The following PCDHA3 variants were observed in gnomAD, a reference collection of about 807,000 sequenced individuals.
PCDHA3 encodes protocadherin alpha 3.
PCDHA3 carries 41 observed loss-of-function variants against 62.2 expected under a neutral mutation model. The observed-to-expected ratio is 0.66, with a 90% CI of 0.51 to 0.86. The LOEUF (loss-of-function observed/expected upper bound fraction) is 0.86, where lower values mean the gene tolerates loss of function less well. Ranked by LOEUF, PCDHA3 falls within the 40% of genes least tolerant of loss-of-function variation. PCDHA3 has a pLI of 0.00. For synonymous variants in PCDHA3, 640 were observed against 555.4 expected (o/e 1.15, Z -2.14); for missense variants, 1,304 against 1,241.2 (o/e 1.05, Z -0.76).
At chr5:140,994,998 G>A (rs2097659261) in intron 3 of PCDHA3, among the ~76,000 whole-genome samples, 1 of 152,150 alleles carries the variant, frequency 6.6e-6, no homozygotes, top group African/African-American at 2.4e-5. Context: ...AGGTTAGTTG[G>A]TTTGTTTATA....
Position 140,803,954 on chromosome 5 carries a change from A to G in PCDHA3, c.2394+363A>G, listed in dbSNP as rs538740639. 1.2e-4 allele frequency: 42 copies of G among 347,696 alleles called. 1 individual carries two copies. In the South Asian group the frequency reaches 1.9e-3, roughly 15 times the overall value. The allele number at this position is 347,696 out of a possible 1,614,324, so 21.5% of individuals were successfully genotyped here. On this transcript the variant is annotated intron_variant, in intron 1 of 3. Transcript: ENST00000522353. ...TATCCCTATACAATGCTTCTTCAAT[A>G]TCTTTTGCCACTTTTCATTTGGACT...
chr5:140,809,319 T>G (rs782158465), intron 1 of PCDHA3: 1 of 1,614,108 alleles, frequency 6.2e-7, no homozygotes. Context: ...TCCAGCCTTT[T>G]GGTGCTCACG....
intron 1 of PCDHA3, chr5:140,836,150 T>C (rs1373246129): frequency 4.3e-6 from 7 of 1,613,640 alleles, no homozygotes; most frequent in Admixed American, 1.7e-5. Context: ...GCGCGGGCCA[T>C]GTGGTGGCGA....
At position 140,802,609 on chromosome 5, in the gene PCDHA3, G is replaced by A; in HGVS notation, c.1412G>A (p.Gly471Asp). 1 of 1,613,972 alleles carries A rather than the reference G, an allele frequency of 6.2e-7. No individual in the cohort carries two copies. Among genetic ancestry groups the A allele is most frequent in the Non-Finnish European group, 8.5e-7 (1 of 1,179,960 alleles). ...TTCGTGAAGGAGAACAACCCGCCGG[G>A]CTGCCACATCTTCACGGTGTCTGCG... ...TVFVKENNPP[G>D]CHIFTVSARD... is the part of the protein sequence containing the mutation. Residue 471 changes from glycine (G) to aspartate (D), a missense_variant, in exon 1 of 4, where the codon GGC becomes GAC. By Grantham distance (94) the Gly-to-Asp change is moderately conservative. Transcript: ENST00000522353.
At chr5:140,836,078 G>C (rs1179241173) in intron 1 of PCDHA3, 4 of 1,613,554 alleles carry the variant, frequency 2.5e-6, no homozygotes, top group Non-Finnish European at 3.4e-6. Context: ...CGCCGGCACT[G>C]CTGGCGCCTC....
intron 3 of PCDHA3, among the ~76,000 whole-genome samples, chr5:141,000,395 C>A (rs664650): frequency 0.072 from 3,868 of 53,704 alleles, 168 homozygotes; most frequent in Non-Finnish European, 0.081. Flanking sequence ...CTCTCTCTCT[C>A]TATATATATA....
chr5:140,836,229 G>C, intron 1 of PCDHA3: 1 of 1,613,818 alleles, frequency 6.2e-7, no homozygotes, highest in Non-Finnish European at 8.5e-7. Flanking sequence ...ACCGGTGGCG[G>C]CCGGTGCGAG....
chr5:140,967,935 A>G (rs186453952), intron 1 of PCDHA3: 13 of 1,614,214 alleles, frequency 8.1e-6, no homozygotes, highest in South Asian at 4.4e-5. Flanking sequence ...CTCAGTGTCA[A>G]TGACCAAGAC....
chr5:140,831,520 CTTT>C (rs2150195630), intron 1 of PCDHA3, among the ~76,000 whole-genome samples: 2,202 of 122,358 alleles, frequency 0.018, 60 homozygotes, highest in African/African-American at 0.054. Context: ...TGCCCCCCAC[CTTT>C]TTTTTTTTTT....
At position 140,910,974 on chromosome 5, in the gene PCDHA3, T is replaced by G. The variant is rs114099897; in HGVS notation, c.2395-67975T>G. Among the ~76,000 whole-genome samples the G allele has an allele frequency of 8.0e-3, 1,211 of 152,160 alleles. 6 individuals carry two copies. The highest frequency in any genetic ancestry group is 0.019 in the African/African-American group (781 of 41,520). On this transcript the variant is annotated intron_variant, in intron 1 of 3. Coordinates refer to ENST00000522353, the MANE Select transcript of PCDHA3 (RefSeq NM_018906.3). ...CGAGTGTAGCACACCTCCTCATGGG[T>G]TATACTCTGAACCTCACCCCTAGGG...
rs374265125 is a variant in PCDHA3 at position 140,808,741 on chromosome 5, C to G, written c.2394+5150C>G. The G allele has an allele frequency of 1.4e-4, 219 of 1,612,110 alleles. No individual in the cohort carries two copies. The East Asian group carries it at 4.5e-3, about 33-fold the overall frequency. ...TGCATGCGGAGAGCGGCAAGGTGTA[C>G]GCGCTGCAGCCGCTGGACCACGAGG... On this transcript the variant is annotated intron_variant, in intron 1 of 3. Coordinates refer to ENST00000522353, the MANE Select transcript of PCDHA3 (RefSeq NM_018906.3).
intron 1 of PCDHA3, chr5:140,823,861 A>C: frequency 6.2e-7 from 1 of 1,613,800 alleles, no homozygotes; most frequent in Non-Finnish European, 8.5e-7. Flanking sequence ...GGTGGATGTC[A>C]ACGTGTACCT....
At chr5:140,824,013 C>A in intron 1 of PCDHA3, 2 of 1,614,156 alleles carry the variant, frequency 1.2e-6, no homozygotes, top group Non-Finnish European at 1.7e-6. Flanking sequence ...CGGTGGGGAG[C>A]TGGTCGTACT....
At chr5:140,941,950 A>C (rs2093203816) in intron 1 of PCDHA3, among the ~76,000 whole-genome samples, 1 of 152,172 alleles carries the variant, frequency 6.6e-6, no homozygotes, top group Admixed American at 6.5e-5. Context: ...TTTGTTTTGA[A>C]AACAATAGTA....
intron 1 of PCDHA3, among the ~76,000 whole-genome samples, chr5:140,961,887 G>GT (rs35680913): frequency 0.069 from 9,857 of 143,718 alleles, 798 homozygotes; most frequent in African/African-American, 0.2. Flanking sequence ...ACTTACATCA[G>GT]TTTTTTTTTT....
intron 1 of PCDHA3, among the ~76,000 whole-genome samples, chr5:140,946,591 A>C (rs972556402): frequency 5.0e-5 from 6 of 119,488 alleles, no homozygotes; most frequent in African/African-American, 2.1e-4. Context: ...ATAGTGGATG[A>C]ATAGATAAAG....
chr5:140,888,343 G>C (rs1476390329), intron 1 of PCDHA3, among the ~76,000 whole-genome samples: 1 of 152,152 alleles, frequency 6.6e-6, no homozygotes, highest in Admixed American at 6.5e-5. Context: ...ATTACAACTA[G>C]GGAATTGCTA....
chr5:140,978,575 G>A (rs2096810585), intron 1 of PCDHA3, among the ~76,000 whole-genome samples: 1 of 152,202 alleles, frequency 6.6e-6, no homozygotes, highest in African/African-American at 2.4e-5. Flanking sequence ...ATACTGAATT[G>A]GGAATGTTCC....
intron 1 of PCDHA3, chr5:140,967,306 C>A (rs1554229415): frequency 1.2e-6 from 2 of 1,612,350 alleles, no homozygotes; most frequent in Non-Finnish European, 1.7e-6. Context: ...TGGGCGCCAA[C>A]TCAGTACAGA....
Sources: allele counts gnomAD v4.1 joint callset (sites outside exome capture counted in the v4.1 genomes callset), GRCh38; gene constraint gnomAD v4.1.1; transcripts MANE v1.5; gene names NCBI Gene and HGNC (gene_info 2026-07-23, HGNC 2026-07-21).